TRABD2B: variants seen among roughly 807,000 people sequenced by gnomAD.
TRABD2B encodes TraB domain containing 2B.
Under a neutral mutation model 40.1 loss-of-function variants are expected in TRABD2B, and 14 were observed. That is an observed-to-expected ratio of 0.35 (90% CI 0.23 to 0.55). The LOEUF (loss-of-function observed/expected upper bound fraction) is 0.55. Ranked by LOEUF, TRABD2B falls within the 20% of genes least tolerant of loss-of-function variation. The pLI is 0.90. For synonymous variants in TRABD2B, 263 were observed against 277.0 expected, an observed-to-expected ratio of 0.95 and a Z score of 0.50; for missense variants, 541 against 648.6, an observed-to-expected ratio of 0.83 and a Z score of 1.80.
intron 2 of TRABD2B, among the ~76,000 whole-genome samples, chr1:47,948,220 G>A (rs372736726): frequency 1.3e-5 from 2 of 152,182 alleles, no homozygotes; most frequent in African/African-American, 2.4e-5. Flanking sequence ...GTAGGCAAAG[G>A]TGCTGTTATC....
At chr1:47,951,610 T>C (rs922999143) in intron 2 of TRABD2B, among the ~76,000 whole-genome samples, 5 of 152,266 alleles carry the variant, frequency 3.3e-5, no homozygotes, top group African/African-American at 1.2e-4. Context: ...CACAGCTGGT[T>C]GGCTGTGCCA....
chr1:47,916,579 G>A (rs571266289), intron 2 of TRABD2B, among the ~76,000 whole-genome samples: 1 of 152,362 alleles, frequency 6.6e-6, no homozygotes, highest in Admixed American at 6.5e-5. Flanking sequence ...GTGGAGGAAA[G>A]TAAGAAATAA....
chr1:47,815,072 A>C (rs867427558), intron 2 of TRABD2B, among the ~76,000 whole-genome samples: 3 of 152,330 alleles, frequency 2.0e-5, no homozygotes, highest in Middle Eastern at 3.4e-3. Flanking sequence ...GGCAAGAACA[A>C]GGGATCGGTC....
chr1:47,855,313 G>A (rs1208022270), intron 2 of TRABD2B, among the ~76,000 whole-genome samples: 1 of 152,154 alleles, frequency 6.6e-6, no homozygotes, highest in Non-Finnish European at 1.5e-5. Flanking sequence ...AGAATCATAA[G>A]TTCCCTTTCC....
intron 2 of TRABD2B, among the ~76,000 whole-genome samples, chr1:47,966,456 G>A (rs1312613802): frequency 6.6e-6 from 1 of 152,214 alleles, no homozygotes; most frequent in Non-Finnish European, 1.5e-5. Context: ...ACAAAAAGGA[G>A]GCGCTCACCA....
At chr1:47,857,643 C>A (rs968891459) in intron 2 of TRABD2B, among the ~76,000 whole-genome samples, 2 of 152,134 alleles carry the variant, frequency 1.3e-5, no homozygotes, top group African/African-American at 4.8e-5. Flanking sequence ...ATCAGTTTCC[C>A]AGGGCCCTGC....
chr1:47,810,568 C>T (rs919964764), intron 2 of TRABD2B, among the ~76,000 whole-genome samples: 6 of 152,308 alleles, frequency 3.9e-5, no homozygotes, highest in African/African-American at 9.6e-5. Flanking sequence ...AGTGAGGCGA[C>T]GGACCTGTGT....
chr1:47,971,622 A>G (rs1645683603), intron 2 of TRABD2B, among the ~76,000 whole-genome samples: 1 of 152,148 alleles, frequency 6.6e-6, no homozygotes, highest in Admixed American at 6.5e-5. Context: ...CTTCCCTGAC[A>G]GCACGCAGCC....
chr1:47,778,239 C>G (rs745430459), intron 5 of TRABD2B, among the ~76,000 whole-genome samples: 15 of 152,192 alleles, frequency 9.9e-5, no homozygotes, highest in Non-Finnish European at 1.6e-4. Flanking sequence ...TAACGCTGCT[C>G]TCACTCCCAC....
At chr1:47,871,801 TG>T (rs1644145017) in intron 2 of TRABD2B, among the ~76,000 whole-genome samples, 1 of 152,178 alleles carries the variant, frequency 6.6e-6, no homozygotes, top group Admixed American at 6.5e-5. Flanking sequence ...CATTTCCTCC[TG>T]GCCCCCCCAG....
intron 2 of TRABD2B, among the ~76,000 whole-genome samples, chr1:47,974,310 G>C (rs1037890523): frequency 6.6e-6 from 1 of 151,938 alleles, no homozygotes; most frequent in Non-Finnish European, 1.5e-5. Flanking sequence ...AGCAGCCTCA[G>C]GTCCTTGGCA....
chr1:47,950,972 G>T (rs1033014647), intron 2 of TRABD2B, among the ~76,000 whole-genome samples: 1 of 152,236 alleles, frequency 6.6e-6, no homozygotes. Flanking sequence ...TTTCATTTCC[G>T]TGGGCACAGT....
At chr1:47,864,318 C>A (rs1018195202) in intron 2 of TRABD2B, among the ~76,000 whole-genome samples, 4 of 151,862 alleles carry the variant, frequency 2.6e-5, no homozygotes, top group Non-Finnish European at 5.9e-5. Context: ...CATTGGTGGA[C>A]ACGTGTCAAT....
chr1:47,848,891 T>G (rs536745369), intron 2 of TRABD2B, among the ~76,000 whole-genome samples: 2 of 152,338 alleles, frequency 1.3e-5, no homozygotes, highest in Non-Finnish European at 2.9e-5. Flanking sequence ...CACATGTCCT[T>G]AAGGATATTA....
At position 47,996,217 on chromosome 1, in the gene TRABD2B, T is replaced by C. The variant is rs1646089015; in HGVS notation, c.102+471A>G. 6.6e-6 allele frequency among the ~76,000 whole-genome samples: 1 copy of C among 151,426 alleles called. No individual in the cohort carries two copies. The highest frequency in any genetic ancestry group is 2.4e-5 in the African/African-American group (1 of 41,168). On this transcript the variant is annotated intron_variant, in intron 1 of 6. Coordinates refer to ENST00000606738, the MANE Select transcript of TRABD2B (RefSeq NM_001194986.2). This position sits in a 1 kb window ranked among gnomAD's most constrained non-coding sequence, Gnocchi z 4.6. ...GAACAGGGAGAAAGTTTGTCTTAGG[T>C]CAGAGTGGGAGGGCAGGGAGAGAGA... is the stretch of plus-strand genomic sequence containing the variant.
rs1644989679 is a variant in TRABD2B at position 47,813,353 on chromosome 1, C to T, written c.667-11734G>A. Among the ~76,000 whole-genome samples, 1 of 152,052 alleles carries T rather than the reference C, an allele frequency of 6.6e-6. No homozygotes were observed. Among genetic ancestry groups the T allele is most frequent in the South Asian group, 2.1e-4 (1 of 4,814 alleles). On this transcript the variant is annotated intron_variant, in intron 2 of 6. Transcript: ENST00000606738. This position sits in a 1 kb window ranked among gnomAD's most constrained non-coding sequence, Gnocchi z 4.3. Reference sequence around the variant, plus strand: ...GATTGGAGGGGGCACCTCCAGGTGGCCAGGGATGGAAGGAGAGGAGTTGAG... The same window carrying T: ...GATTGGAGGGGGCACCTCCAGGTGGTCAGGGATGGAAGGAGAGGAGTTGAG...
At chr1:47,944,757 T>C (rs1344661980) in intron 2 of TRABD2B, among the ~76,000 whole-genome samples, 1 of 152,252 alleles carries the variant, frequency 6.6e-6, no homozygotes, top group South Asian at 2.1e-4. Context: ...AAGGCAGATG[T>C]AAGCAGCTCA....
chr1:47,839,693 A>G (rs1358618106), intron 2 of TRABD2B, among the ~76,000 whole-genome samples: 1 of 152,108 alleles, frequency 6.6e-6, no homozygotes, highest in Non-Finnish European at 1.5e-5. Context: ...AGTGCGTGGG[A>G]ACTTTGGGCA....
intron 2 of TRABD2B, among the ~76,000 whole-genome samples, chr1:47,803,979 C>T (rs1013687656): frequency 6.6e-6 from 1 of 152,184 alleles, no homozygotes; most frequent in African/African-American, 2.4e-5. Context: ...ATAATCTGAC[C>T]AGAAAAGCTC....
Sources: gnomAD v4.1 joint callset for allele counts (sites outside exome capture counted in the v4.1 genomes callset) on GRCh38, gnomAD v4.1.1 for gene constraint, Gnocchi (gnomAD v3.1) non-coding constraint, MANE v1.5 for transcripts, NCBI Gene and HGNC (gene_info 2026-07-23, HGNC 2026-07-21) for gene names.